THSD7A: variants seen among roughly 807,000 people sequenced by gnomAD.
THSD7A encodes the protein thrombospondin type-1 domain-containing protein 7A.
A neutral mutation model predicts 231.3 loss-of-function variants in THSD7A; 96 were observed. That is an observed-to-expected ratio of 0.41 (90% CI 0.35 to 0.49). THSD7A has a LOEUF of 0.49. THSD7A is among the 20% of genes least tolerant of loss of function. THSD7A has a pLI of 0.05. For synonymous variants in THSD7A, 940 were observed against 743.3 expected (o/e 1.26, Z -4.30); for missense variants, 2,290 against 2,070.2 (o/e 1.11, Z -2.06).
At position 11,450,889 on chromosome 7, in the gene THSD7A, C is replaced by G. The variant is rs184135293; in HGVS notation, c.2606-3465G>C. Among the ~76,000 whole-genome samples, 788 of 152,002 alleles carry G rather than the reference C, an allele frequency of 5.2e-3. 3 individuals carry two copies. Among genetic ancestry groups the G allele is most frequent in the Non-Finnish European group, 8.1e-3 (553 of 67,920 alleles). ...CACCATGAAAGCTTCTCAGTGAGATCCGCAAAAATCAAGATGATTATTTTA... is the reference window on the plus strand; with the variant it reads ...CACCATGAAAGCTTCTCAGTGAGATGCGCAAAAATCAAGATGATTATTTTA... On this transcript the variant is annotated intron_variant, in intron 11 of 27. Transcript: ENST00000423059.
At chr7:11,529,596 C>T (rs1292309480) in intron 6 of THSD7A, among the ~76,000 whole-genome samples, 2 of 69,090 alleles carry the variant, frequency 2.9e-5, no homozygotes, top group Non-Finnish European at 5.4e-5. Context: ...TTGGCAGTTC[C>T]CCCTTTGCTC....
chr7:11,592,861 T>A (rs1454498865), intron 3 of THSD7A, among the ~76,000 whole-genome samples: 2 of 151,738 alleles, frequency 1.3e-5, no homozygotes, highest in Non-Finnish European at 2.9e-5. Flanking sequence ...CCTGCCACCT[T>A]TTTTTTTATA....
chr7:11,742,885 C>T (rs1055669201), intron 1 of THSD7A, among the ~76,000 whole-genome samples: 3 of 151,778 alleles, frequency 2.0e-5, no homozygotes, highest in Non-Finnish European at 4.4e-5. Flanking sequence ...CATTATGGTT[C>T]TGTTCATTGA....
chr7:11,652,225 A>G (rs773526055), intron 1 of THSD7A, among the ~76,000 whole-genome samples: 4 of 151,910 alleles, frequency 2.6e-5, no homozygotes, highest in African/African-American at 9.7e-5. Context: ...TTGTACAGCA[A>G]TTAATCAGGC....
At chr7:11,642,811 T>C (rs1397866982) in intron 1 of THSD7A, among the ~76,000 whole-genome samples, 1 of 152,184 alleles carries the variant, frequency 6.6e-6, no homozygotes, top group African/African-American at 2.4e-5. Flanking sequence ...TTATTCCTGC[T>C]AAAGAGGATT....
At chr7:11,418,892 T>G (rs544915243) in intron 16 of THSD7A, among the ~76,000 whole-genome samples, 64 of 152,290 alleles carry the variant, frequency 4.2e-4, no homozygotes, top group Non-Finnish European at 8.5e-4. Context: ...GATATTGATA[T>G]GATTTCCTTG....
intron 24 of THSD7A, among the ~76,000 whole-genome samples, chr7:11,380,975 T>C (rs1782490624): frequency 6.6e-6 from 1 of 152,148 alleles, no homozygotes; most frequent in African/African-American, 2.4e-5. Context: ...GTTTTGAATA[T>C]GTAGAAGAAA....
chr7:11,503,738 GCAAAT>G (rs1354097838), intron 6 of THSD7A, among the ~76,000 whole-genome samples: 1 of 152,134 alleles, frequency 6.6e-6, no homozygotes, highest in Admixed American at 6.5e-5. Context: ...TTAGAGAAAT[GCAAAT>G]CAAAGCCACA....
intron 4 of THSD7A, among the ~76,000 whole-genome samples, chr7:11,557,459 CTATT>C (rs1318624485): frequency 8.6e-5 from 13 of 151,922 alleles, no homozygotes; most frequent in African/African-American, 1.2e-4. Context: ...GTGTTGGCTG[CTATT>C]TATTTATTTT....
Position 11,469,998 on chromosome 7 carries a change from G to A in THSD7A, c.2253-4C>T. Reference sequence around the variant, plus strand: ...AGGTCGAAGGCTTTCAGGACATCTAGAAAGGCAAAGGGGAATTATTAGGCT... The same window carrying A: ...AGGTCGAAGGCTTTCAGGACATCTAAAAAGGCAAAGGGGAATTATTAGGCT... On this transcript the variant is annotated splice_polypyrimidine_tract_variant and splice_region_variant and intron_variant, in intron 8 of 27. Coordinates refer to ENST00000423059, the MANE Select transcript of THSD7A (RefSeq NM_015204.3). 1 of 1,554,722 alleles carries A rather than the reference G, an allele frequency of 6.4e-7. No homozygotes were observed. The highest frequency in any genetic ancestry group is 1.4e-5 in the African/African-American group (1 of 74,028).
chr7:11,680,586 A>G (rs550222822), intron 1 of THSD7A, among the ~76,000 whole-genome samples: 3 of 152,346 alleles, frequency 2.0e-5, no homozygotes, highest in African/African-American at 7.2e-5. Context: ...TGTGGCCAAC[A>G]AACATATGAC....
At chr7:11,796,256 A>G (rs1296531696) in intron 1 of THSD7A, among the ~76,000 whole-genome samples, 1 of 150,888 alleles carries the variant, frequency 6.6e-6, no homozygotes, top group Admixed American at 6.6e-5. Context: ...ATATTTCTAT[A>G]TTTCTATTCT....
chr7:11,607,356 C>T (rs189535836), intron 2 of THSD7A, among the ~76,000 whole-genome samples: 16 of 152,148 alleles, frequency 1.1e-4, no homozygotes, highest in East Asian at 1.9e-4. Context: ...CCTAAACTGC[C>T]GCCCTTGAAT....
chr7:11,422,630 C>G (rs1450974376), intron 16 of THSD7A, among the ~76,000 whole-genome samples: 1 of 142,846 alleles, frequency 7.0e-6, no homozygotes, highest in East Asian at 2.1e-4. Context: ...AACATGTACA[C>G]AGATAGTTGA....
At chr7:11,682,022 G>A (rs150607411) in intron 1 of THSD7A, among the ~76,000 whole-genome samples, 18 of 152,024 alleles carry the variant, frequency 1.2e-4, no homozygotes, top group African/African-American at 4.1e-4. Flanking sequence ...TCATAAATAT[G>A]GAGAAATAAA....
At chr7:11,630,516 G>A (rs1781614705) in intron 2 of THSD7A, among the ~76,000 whole-genome samples, 1 of 152,166 alleles carries the variant, frequency 6.6e-6, no homozygotes, top group African/African-American at 2.4e-5. Flanking sequence ...TTTATCCCAT[G>A]TATTTGTGCC....
At chr7:11,608,954 C>T (rs1780829068) in intron 2 of THSD7A, among the ~76,000 whole-genome samples, 1 of 152,168 alleles carries the variant, frequency 6.6e-6, no homozygotes, top group African/African-American at 2.4e-5. Flanking sequence ...AATCCCTATA[C>T]AGAACATTTT....
chr7:11,795,020 C>T (rs190242368), intron 1 of THSD7A, among the ~76,000 whole-genome samples: 2 of 151,916 alleles, frequency 1.3e-5, no homozygotes, highest in Non-Finnish European at 2.9e-5. Flanking sequence ...GTATGCATAA[C>T]ATAGGCTGCA....
chr7:11,779,345 T>C (rs1463521208), intron 1 of THSD7A, among the ~76,000 whole-genome samples: 1 of 152,188 alleles, frequency 6.6e-6, no homozygotes, highest in Non-Finnish European at 1.5e-5. Flanking sequence ...ATGGTCGGTA[T>C]TAGAAGTTAA....
Sources: gnomAD v4.1 joint callset for allele counts (sites outside exome capture counted in the v4.1 genomes callset) on GRCh38, gnomAD v4.1.1 for gene constraint, MANE v1.5 for transcripts, NCBI Gene and HGNC (gene_info 2026-07-23, HGNC 2026-07-21) for gene names.